The following LPCAT1 variants were observed in gnomAD, a reference collection of about 807,000 sequenced individuals.
The protein encoded by LPCAT1 is lysophosphatidylcholine acyltransferase 1.
LPCAT1 carries 23 observed loss-of-function variants against 60.9 expected under a neutral mutation model. That is an observed-to-expected ratio of 0.38 (90% CI 0.27 to 0.53). The LOEUF (loss-of-function observed/expected upper bound fraction) is 0.53. Among genes scored for constraint, LPCAT1 ranks in the 20% least tolerant of loss-of-function variants. LPCAT1 has a pLI of 0.82. For synonymous variants in LPCAT1, 340 were observed against 301.1 expected (o/e 1.13, Z -1.34); for missense variants, 622 against 723.6 (o/e 0.86, Z 1.61).
At chr5:1,469,858 C>A (rs1734597245) in intron 12 of LPCAT1, among the ~76,000 whole-genome samples, 1 of 151,600 alleles carries the variant, frequency 6.6e-6, no homozygotes, top group Non-Finnish European at 1.5e-5. Flanking sequence ...CAGGGCCTGG[C>A]TCAGATCAGG....
intron 1 of LPCAT1, 88 bp from the exon 2 acceptor site, chr5:1,501,691 C>T (rs887592430): frequency 2.0e-5 from 27 of 1,357,482 alleles, no homozygotes; most frequent in Middle Eastern, 2.0e-4. Context: ...AGGGGGACAG[C>T]GCGCCCCACA....
chr5:1,519,155 T>A (rs570306467), intron 1 of LPCAT1, among the ~76,000 whole-genome samples: 8 of 152,364 alleles, frequency 5.3e-5, no homozygotes, highest in Admixed American at 4.6e-4. Context: ...TAAGACGAAC[T>A]TTGGGTCACA....
chr5:1,481,024 G>A lies in LPCAT1; in HGVS notation c.727-48C>T, dbSNP rs773565849. The A allele has an allele frequency of 9.4e-6, 10 of 1,058,668 alleles. No individual in the cohort carries two copies. The highest frequency in any genetic ancestry group is 3.0e-5 in the Admixed American group (1 of 33,614). 65.6% of individuals were successfully genotyped at this position (1,058,668 alleles called of 1,614,324 possible). A position where few individuals can be genotyped will look rare whatever the true frequency, so the allele number is the denominator to read the frequency against. ...AGTCAGCATGGGGCCTGCACCCAGG[G>A]CCTGCACCAAGCACCTGCGTGTGCC... On this transcript the variant is annotated intron_variant, in intron 6 of 13. Transcript: ENST00000283415. This position sits in a 1 kb window ranked among gnomAD's most constrained non-coding sequence, Gnocchi z 7.8.
intron 12 of LPCAT1, among the ~76,000 whole-genome samples, chr5:1,467,635 G>A (rs1579753149): frequency 1.3e-5 from 2 of 152,070 alleles, no homozygotes; most frequent in South Asian, 4.1e-4. Flanking sequence ...ATCAGGGCCC[G>A]CCCATCCCTT....
At position 1,496,858 on chromosome 5, in the gene LPCAT1, G is replaced by A. The variant is rs189820049; in HGVS notation, c.279-1944C>T. ...GCACCCACTCACCCCAAGGCAAAGGGAGCCAGCACAAGCCCAGGGTGCTCA... is the reference window on the plus strand; with the variant it reads ...GCACCCACTCACCCCAAGGCAAAGGAAGCCAGCACAAGCCCAGGGTGCTCA... On this transcript the variant is annotated intron_variant, in intron 2 of 13. Transcript: ENST00000283415. This position sits in a 1 kb window ranked among gnomAD's most constrained non-coding sequence, Gnocchi z 4.7. Among the ~76,000 whole-genome samples, 45 of 152,314 alleles carry A rather than the reference G, an allele frequency of 3.0e-4. No individual in the cohort carries two copies. Among genetic ancestry groups the A allele is most frequent in the African/African-American group, 1.0e-3 (42 of 41,548 alleles).
chr5:1,509,132 G>A (rs1340137421), intron 1 of LPCAT1, among the ~76,000 whole-genome samples: 3 of 152,264 alleles, frequency 2.0e-5, no homozygotes, highest in Non-Finnish European at 4.4e-5. Context: ...AGGCAGGGGT[G>A]GAGGGGAGGC....
intron 3 of LPCAT1, among the ~76,000 whole-genome samples, chr5:1,492,961 G>A (rs536016009): frequency 3.9e-5 from 6 of 152,300 alleles, no homozygotes; most frequent in East Asian, 3.9e-4. Context: ...TTGCCACAGT[G>A]GGGGGGCAAA....
Position 1,480,939 on chromosome 5 carries a change from T to TA in LPCAT1, c.761+2dup. The TA allele has an allele frequency of 6.2e-7, 1 of 1,613,842 alleles. No individual in the cohort carries two copies. Among genetic ancestry groups the TA allele is most frequent in the Non-Finnish European group, 8.5e-7 (1 of 1,179,996 alleles). On this transcript the variant is annotated splice_region_variant and intron_variant, in intron 7 of 13. Transcript: ENST00000283415. The surrounding 1 kb of genome is among the most constrained non-coding windows in gnomAD (Gnocchi z 6.4). ...AAAGAGGACGACACGGCGTTCAACT[T>TA]ACGCTCCAGGTCCTTGCCACGTCCA...
At position 1,501,494 on chromosome 5, in the gene LPCAT1, T is replaced by C; in HGVS notation, c.245A>G (p.Lys82Arg). ...CAGGGCCGGGGGCTGCTCGGGTTCC[T>C]TCTCCGCAGAGCCCAGGGATGCGAC... ...ALVASLGSAEKEPEQPPALWR... is the reference protein window; with the variant it reads ...ALVASLGSAEREPEQPPALWR... Residue 82 changes from lysine (K) to arginine (R), a missense_variant, in exon 2 of 14, where the codon AAG (lysine) becomes AGG (arginine). By Grantham distance (26) the Lys-to-Arg change is conservative. Coordinates refer to ENST00000283415, the MANE Select transcript of LPCAT1 (RefSeq NM_024830.5). 1 of 1,613,676 alleles carries C rather than the reference T, an allele frequency of 6.2e-7. No individual in the cohort carries two copies. The highest frequency in any genetic ancestry group is 8.5e-7 in the Non-Finnish European group (1 of 1,179,850).
Position 1,502,477 on chromosome 5 carries a change from G to A in LPCAT1, c.136-874C>T. Among the ~76,000 whole-genome samples, 1 of 152,212 alleles carries A rather than the reference G, an allele frequency of 6.6e-6. No homozygotes were observed. The highest frequency in any genetic ancestry group is 2.1e-4 in the South Asian group (1 of 4,830). On this transcript the variant is annotated intron_variant, in intron 1 of 13. Transcript: ENST00000283415. The surrounding 1 kb of genome is among the most constrained non-coding windows in gnomAD (Gnocchi z 5.5). ...TCAATGGAAGACCCGGCGCAGGAGAGTGAACTGGCGGGAGGGCAGGGGCGC... is the reference window on the plus strand; with the variant it reads ...TCAATGGAAGACCCGGCGCAGGAGAATGAACTGGCGGGAGGGCAGGGGCGC...
rs747358403 is a variant in LPCAT1, at chr5:1,476,893, C to T, written c.899+511G>A. Among the ~76,000 whole-genome samples, 12 of 152,062 alleles carry T rather than the reference C, an allele frequency of 7.9e-5. No individual in the cohort carries two copies. Among genetic ancestry groups the T allele is most frequent in the Non-Finnish European group, 1.6e-4 (11 of 68,008 alleles). ...CACTGCCGGCCATGCAAGCAGGGGA[C>T]CTGGGACCATGGGAAGCGAGGACAT... On this transcript the variant is annotated intron_variant, in intron 9 of 13. Transcript: ENST00000283415. The surrounding 1 kb of genome is among the most constrained non-coding windows in gnomAD (Gnocchi z 8.6).
Position 1,489,803 on chromosome 5 carries a change from G to T in LPCAT1, c.549C>A (p.Arg183=), listed in dbSNP as rs369672145. 1.2e-6 allele frequency: 2 copies of T among 1,614,212 alleles called. No homozygotes were observed. Among genetic ancestry groups the T allele is most frequent in the African/African-American group, 1.3e-5 (1 of 75,064 alleles). The change falls in exon 4 of 14, where the codon CGC becomes CGA. Residue 183 remains arginine, a synonymous_variant. Coordinates refer to ENST00000283415, the MANE Select transcript of LPCAT1 (RefSeq NM_024830.5). Reference sequence around the variant, plus strand: ...TCTTGATTTCTTCTACTGTTTTCCTGCGAGAATCCTGGTCTGACCGGGACA... The same window carrying T: ...TCTTGATTTCTTCTACTGTTTTCCTTCGAGAATCCTGGTCTGACCGGGACA... ...VFVSRSDQDS[R]RKTVEEIKRR...
At chr5:1,518,461 C>G (rs1446299863) in intron 1 of LPCAT1, among the ~76,000 whole-genome samples, 1 of 152,240 alleles carries the variant, frequency 6.6e-6, no homozygotes, top group Non-Finnish European at 1.5e-5. Flanking sequence ...CTGCCTCAGC[C>G]TCCTGGGTGG....
In LPCAT1 at chr5:1,480,951, C is replaced by G. The variant is rs1235287188; in HGVS notation, c.752G>C (p.Gly251Ala). ...ACGGCGTTCAACTTACGCTCCAGGT[C>G]CTTGCCACGTCCATGTGATGGTGTC... Reference protein sequence around the residue: ...KLDTITWTWQGPGALEILWLT... With the variant: ...KLDTITWTWQAPGALEILWLT... The change falls in exon 7 of 14, where the codon GGA (glycine) becomes GCA (alanine). Residue 251 changes from glycine to alanine, a missense_variant. This residue lies in a region of LPCAT1 where 209 missense variants were observed against 325.5 expected (regional missense o/e 0.64). Coordinates refer to ENST00000283415, the MANE Select transcript of LPCAT1 (RefSeq NM_024830.5). This position sits in a 1 kb window ranked among gnomAD's most constrained non-coding sequence, Gnocchi z 6.4. The G allele has an allele frequency of 6.2e-7, 1 of 1,613,874 alleles. No homozygotes were observed.
intron 12 of LPCAT1, 117 bp downstream of exon 12, chr5:1,470,709 C>A: frequency 1.4e-6 from 1 of 694,296 alleles, no homozygotes; most frequent in Non-Finnish European, 2.3e-6. Flanking sequence ...GTAAAAATAG[C>A]AGTTGGGCAA....
At position 1,461,583 on chromosome 5, in the gene LPCAT1, C is replaced by T. The variant is rs7909; in HGVS notation, c.*2068G>A. ...TCTGGCCCCCAGGCCACCAGGGGCCCGCTGCGTCCTGTCTCACACACAAGG... is the reference window on the plus strand; with the variant it reads ...TCTGGCCCCCAGGCCACCAGGGGCCTGCTGCGTCCTGTCTCACACACAAGG... On this transcript the variant is annotated 3_prime_UTR_variant, in exon 14 of 14. Transcript: ENST00000283415. 899 of 152,826 alleles carry T rather than the reference C, an allele frequency of 5.9e-3. 6 individuals carry two copies. The highest frequency in any genetic ancestry group is 8.3e-3 in the Non-Finnish European group (566 of 68,064). The allele number at this position is 152,826 out of a possible 1,614,324, so 9.5% of individuals were successfully genotyped here.
At position 1,481,464 on chromosome 5, in the gene LPCAT1, C is replaced by T. The variant is rs762699857; in HGVS notation, c.727-488G>A. On this transcript the variant is annotated intron_variant, in intron 6 of 13. Coordinates refer to ENST00000283415, the MANE Select transcript of LPCAT1 (RefSeq NM_024830.5). This position sits in a 1 kb window ranked among gnomAD's most constrained non-coding sequence, Gnocchi z 7.8. ...GTGCATGTGCAGGGCCCCCCCACCC[C>T]GGGTGCTCTGAAGTCCCATCTTCAG... 6.6e-6 allele frequency among the ~76,000 whole-genome samples: 1 copy of T among 152,236 alleles called. No individual in the cohort carries two copies. The highest frequency in any genetic ancestry group is 2.1e-4 in the South Asian group (1 of 4,834).
At chr5:1,520,076 G>A (rs1007269999) in intron 1 of LPCAT1, among the ~76,000 whole-genome samples, 16 of 152,258 alleles carry the variant, frequency 1.1e-4, no homozygotes, top group Admixed American at 6.5e-4. Context: ...GCAGCTCAGA[G>A]AAGCCTGAGG....
chr5:1,489,698 T>A (rs761111143), intron 4 of LPCAT1, 48 bp downstream of exon 4: 2 of 1,371,880 alleles, frequency 1.5e-6, no homozygotes. Flanking sequence ...GAAGTTCGCA[T>A]CTTTCGGAAT....
Sources: gnomAD v4.1 joint callset for allele counts (sites outside exome capture counted in the v4.1 genomes callset) on GRCh38, gnomAD v4.1.1 for gene constraint, gnomAD v4.1.1 regional missense constraint, Gnocchi (gnomAD v3.1) non-coding constraint, MANE v1.5 for transcripts, NCBI Gene and HGNC (gene_info 2026-07-23, HGNC 2026-07-21) for gene names.